The following TGFBR1 variants were observed in gnomAD, a reference collection of about 807,000 sequenced individuals.
The protein encoded by TGFBR1 is TGF-beta receptor type-1.
TGFBR1 carries 20 observed loss-of-function variants against 55.1 expected under a neutral mutation model. That is an observed-to-expected ratio of 0.36 (90% confidence interval 0.26 to 0.53). The LOEUF (loss-of-function observed/expected upper bound fraction) is 0.53, where lower values mean the gene tolerates loss of function less well. Ranked by LOEUF, TGFBR1 falls within the 20% of genes least tolerant of loss-of-function variation. The pLI, the probability that TGFBR1 is intolerant of heterozygous loss-of-function variation, is 0.91. For missense variants in TGFBR1, 385 were observed against 617.6 expected (o/e 0.62, Z 3.99); for synonymous variants, 220 against 214.8 (o/e 1.02, Z -0.21).
At chr9:99,144,685 A>T in intron 5 of TGFBR1, 47 bp from the exon 6 acceptor site, 1 of 1,610,514 alleles carries the variant, frequency 6.2e-7, no homozygotes, top group Middle Eastern at 1.7e-4. Flanking sequence ...GTGAGTTGTG[A>T]TTGGTATTAC....
intron 1 of TGFBR1, among the ~76,000 whole-genome samples, chr9:99,109,710 C>A (rs185922784): frequency 9.8e-5 from 15 of 152,312 alleles, no homozygotes; most frequent in African/African-American, 2.9e-4. Flanking sequence ...TCATGGCTTA[C>A]GTAACACAGA....
intron 3 of TGFBR1, among the ~76,000 whole-genome samples, chr9:99,137,244 G>A (rs759440204): frequency 1.3e-5 from 2 of 152,126 alleles, no homozygotes; most frequent in Non-Finnish European, 2.9e-5. Flanking sequence ...TTATCAAAAA[G>A]CCAGAATTTA....
intron 1 of TGFBR1, among the ~76,000 whole-genome samples, chr9:99,111,167 A>G (rs1321554209): frequency 1.3e-5 from 2 of 152,130 alleles, no homozygotes; most frequent in African/African-American, 2.4e-5. Flanking sequence ...GTATTGATTT[A>G]TACATATATT....
intron 8 of TGFBR1, 107 bp from the exon 9 acceptor site, chr9:99,149,073 A>AATT: frequency 8.6e-7 from 1 of 1,158,410 alleles, no homozygotes; most frequent in South Asian, 1.4e-5. Flanking sequence ...CTTAAACAAT[A>AATT]ACAAGTGTAT....
chr9:99,153,652 G>C lies in TGFBR1; in HGVS notation c.*4347G>C, dbSNP rs1828032880. 1 of 197,730 alleles carries C rather than the reference G, an allele frequency of 5.1e-6. No individual in the cohort carries two copies. The highest frequency in any genetic ancestry group is 2.3e-5 in the African/African-American group (1 of 43,500). The allele number at this position is 197,730 out of a possible 1,614,324, so 12.2% of individuals were successfully genotyped here. ...CAAATAAATTACATTTTTCCCAAGTGCCAGTGGCATATTTTAAAATAAAGT... is the reference window on the plus strand; with the variant it reads ...CAAATAAATTACATTTTTCCCAAGTCCCAGTGGCATATTTTAAAATAAAGT... On this transcript the variant is annotated 3_prime_UTR_variant, in exon 9 of 9. Transcript: ENST00000374994.
chr9:99,137,974 T>C lies in TGFBR1; in HGVS notation c.690T>C (p.Ala230=). The change falls in exon 4 of 9, where the codon GCT becomes GCC. Residue 230 remains alanine (A), a synonymous_variant. Coordinates refer to ENST00000374994, the MANE Select transcript of TGFBR1 (RefSeq NM_004612.4). ...WRGKWRGEEV[A]VKIFSSREER... is the part of the protein sequence containing the mutation. ...GAAAGTGGCGGGGAGAAGAAGTTGCTGTTAAGATATTCTCCTCTAGAGAAG... is the reference window on the plus strand; with the variant it reads ...GAAAGTGGCGGGGAGAAGAAGTTGCCGTTAAGATATTCTCCTCTAGAGAAG... 2 of 1,614,064 alleles carry C rather than the reference T, an allele frequency of 1.2e-6. No homozygotes were observed. Among genetic ancestry groups the C allele is most frequent in the Non-Finnish European group, 1.7e-6 (2 of 1,179,948 alleles).
At chr9:99,139,460 G>A (rs1827544476) in intron 4 of TGFBR1, among the ~76,000 whole-genome samples, 1 of 152,100 alleles carries the variant, frequency 6.6e-6, no homozygotes, top group Non-Finnish European at 1.5e-5. Flanking sequence ...TAGAAAAGCA[G>A]AGTAGTTACA....
chr9:99,144,749 C>A lies in TGFBR1; in HGVS notation c.991C>A (p.His331Asn). 6.2e-7 allele frequency: 1 copy of A among 1,613,730 alleles called. No individual in the cohort carries two copies. The highest frequency in any genetic ancestry group is 8.5e-7 in the Non-Finnish European group (1 of 1,179,862). ...TTCTTTAGGAAAGCCAGCCATTGCTCATAGAGATTTGAAATCAAAGAATAT... is the reference window on the plus strand; with the variant it reads ...TTCTTTAGGAAAGCCAGCCATTGCTAATAGAGATTTGAAATCAAAGAATAT... ...VGTQGKPAIA[H>N]RDLKSKNILV... The change falls in exon 6 of 9, where the codon CAT (histidine) becomes AAT (asparagine). Residue 331 changes from histidine (H) to asparagine (N), a missense_variant. By Grantham distance (68) the His-to-Asn change is moderately conservative. This residue lies in a region of TGFBR1 where 85 missense variants were observed against 228.4 expected (regional missense o/e 0.37). Transcript: ENST00000374994.
intron 2 of TGFBR1, among the ~76,000 whole-genome samples, chr9:99,129,553 T>C (rs1396925830): frequency 6.6e-6 from 1 of 152,214 alleles, no homozygotes; most frequent in Non-Finnish European, 1.5e-5. Context: ...TTTGCGTAAA[T>C]TAATTATACA....
In TGFBR1 at chr9:99,146,622, C is replaced by T; in HGVS notation, c.1255+13C>T. The T allele has an allele frequency of 6.2e-7, 1 of 1,613,802 alleles. No homozygotes were observed. The highest frequency in any genetic ancestry group is 1.1e-5 in the South Asian group (1 of 91,070). On this transcript the variant is annotated intron_variant, in intron 7 of 8. Transcript: ENST00000374994. Reference sequence around the variant, plus strand: ...TGTTCCATTGGTGGTAAATTGCTCTCCTCTCCCCCAGTAGTTTGTCATGAG... The same window carrying T: ...TGTTCCATTGGTGGTAAATTGCTCTTCTCTCCCCCAGTAGTTTGTCATGAG...
chr9:99,152,228 CA>C lies in TGFBR1; in HGVS notation c.*2925del. ...ATTAGAGGTGGAAGGGAGGGGTCTC[CA>C]AGTTTGGAGATTGAGCAGATGAGGC... On this transcript the variant is annotated 3_prime_UTR_variant, in exon 9 of 9. Transcript: ENST00000374994. 1 of 213,070 alleles carries C rather than the reference CA, an allele frequency of 4.7e-6. No homozygotes were observed. The highest frequency in any genetic ancestry group is 6.9e-5 in the East Asian group (1 of 14,432). 13.2% of individuals were successfully genotyped at this position (213,070 alleles called of 1,614,324 possible).
rs1280396567 is a variant in TGFBR1, at chr9:99,151,562, T to A, written c.*2257T>A. The A allele has an allele frequency of 4.3e-6, 1 of 230,254 alleles. No individual in the cohort carries two copies. The highest frequency in any genetic ancestry group is 2.2e-5 in the African/African-American group (1 of 45,202). The allele number at this position is 230,254 out of a possible 1,614,324, so 14.3% of individuals were successfully genotyped here. On this transcript the variant is annotated 3_prime_UTR_variant, in exon 9 of 9. Transcript: ENST00000374994. ...AAGTTGTAATACATGATTTCTCACT[T>A]TCATGTAAGGTTATCCACTTTTGCT...
intron 2 of TGFBR1, among the ~76,000 whole-genome samples, chr9:99,129,530 G>A (rs1827150789): frequency 6.6e-6 from 1 of 152,170 alleles, no homozygotes; most frequent in Non-Finnish European, 1.5e-5. Context: ...ATTTCAGCTT[G>A]TTTTATGATC....
chr9:99,131,273 C>T (rs942586146), intron 2 of TGFBR1, among the ~76,000 whole-genome samples: 3 of 151,560 alleles, frequency 2.0e-5, no homozygotes, highest in African/African-American at 2.4e-5. Context: ...AACATTTTTA[C>T]GATCACCTAA....
rs182840564 is a variant in TGFBR1 at position 99,148,806 on chromosome 9, T to C, written c.1387-374T>C. On this transcript the variant is annotated intron_variant, in intron 8 of 8. Coordinates refer to ENST00000374994, the MANE Select transcript of TGFBR1 (RefSeq NM_004612.4). ...GAGGGCATGCCATTGCATTCCACTTTGGGCGGCAGAGTGAGACCCTGTCTC... is the reference window on the plus strand; with the variant it reads ...GAGGGCATGCCATTGCATTCCACTTCGGGCGGCAGAGTGAGACCCTGTCTC... Among the ~76,000 whole-genome samples the C allele has an allele frequency of 8.9e-4, 134 of 151,184 alleles. 1 individual carries two copies. The Middle Eastern group carries it at 0.037, about 42-fold the overall frequency.
chr9:99,115,028 C>T (rs1826696256), intron 1 of TGFBR1, among the ~76,000 whole-genome samples: 2 of 152,170 alleles, frequency 1.3e-5, no homozygotes, highest in South Asian at 2.1e-4. Context: ...CGTACATTAG[C>T]ATGAGGGCAT....
intron 2 of TGFBR1, among the ~76,000 whole-genome samples, chr9:99,130,023 C>T (rs1430755834): frequency 6.6e-6 from 1 of 152,166 alleles, no homozygotes; most frequent in Non-Finnish European, 1.5e-5. Flanking sequence ...GTATTTAACT[C>T]TTACCTCTTT....
chr9:99,142,783 G>A (rs1588590721), intron 5 of TGFBR1, 80 bp downstream of exon 5: 1 of 1,525,406 alleles, frequency 6.6e-7, no homozygotes, highest in East Asian at 2.3e-5. Context: ...TGGAGGCTGG[G>A]CCTGGTGGCT....
intron 1 of TGFBR1, among the ~76,000 whole-genome samples, chr9:99,117,500 C>T (rs148641573): frequency 7.8e-4 from 118 of 152,238 alleles, no homozygotes; most frequent in African/African-American, 2.7e-3. Flanking sequence ...TTGGTTTTAC[C>T]TCTCACATTG....
Sources: gnomAD v4.1 joint callset for allele counts (sites outside exome capture counted in the v4.1 genomes callset) on GRCh38, gnomAD v4.1.1 for gene constraint, gnomAD v4.1.1 regional missense constraint, MANE v1.5 for transcripts, NCBI Gene and HGNC (gene_info 2026-07-23, HGNC 2026-07-21) for gene names.